The following MEGF6 variants were observed in gnomAD, a reference collection of about 807,000 sequenced individuals.
MEGF6 encodes the protein multiple epidermal growth factor-like domains protein 6.
In MEGF6, 184 loss-of-function variants were observed where a neutral mutation model predicts 207.1. The observed-to-expected ratio is 0.89, with a 90% CI of 0.79 to 1.00. MEGF6 has a LOEUF of 1.00. Ranked by LOEUF, MEGF6 falls within the 50% of genes least tolerant of loss-of-function variation. The pLI is 0.00. For synonymous variants in MEGF6, 1,038 were observed against 910.0 expected (o/e 1.14, Z -2.53); for missense variants, 2,282 against 2,202.9 (o/e 1.04, Z -0.72).
chr1:3,496,031 A>G lies in MEGF6; in HGVS notation c.3743-13T>C, dbSNP rs1557714464. 2.0e-6 allele frequency: 3 copies of G among 1,505,350 alleles called. No individual in the cohort carries two copies. The allele number at this position is 1,505,350 out of a possible 1,614,324, so 93.2% of individuals were successfully genotyped here. A position where few individuals can be genotyped will look rare whatever the true frequency, so the allele number is the denominator to read the frequency against. ...CCCTGCGGACAGGCTGCCGGGGAGG[A>G]AGTGGTGATCGTGGCTGGCTTCCCT... is the stretch of plus-strand genomic sequence containing the variant. On this transcript the variant is annotated splice_polypyrimidine_tract_variant and intron_variant, in intron 29 of 36. Coordinates refer to ENST00000356575, the MANE Select transcript of MEGF6 (RefSeq NM_001409.4).
intron 3 of MEGF6, among the ~76,000 whole-genome samples, chr1:3,592,590 C>T (rs1205659951): frequency 1.3e-5 from 2 of 152,182 alleles, no homozygotes; most frequent in African/African-American, 2.4e-5. Context: ...ACCCAGCAAA[C>T]AATTGAGTGA....
chr1:3,543,079 C>T (rs78031257), intron 4 of MEGF6, among the ~76,000 whole-genome samples: 9,138 of 152,322 alleles, frequency 0.06, 359 homozygotes, highest in African/African-American at 0.11. Context: ...GAGCCCACTC[C>T]GGACTGCCCA....
chr1:3,611,662 G>A (rs1381788612), upstream of MEGF6, among the ~76,000 whole-genome samples: 1 of 135,236 alleles, frequency 7.4e-6, no homozygotes, highest in Non-Finnish European at 1.6e-5. Context: ...CCCGCCCCCG[G>A]CACGGCCCCT....
In MEGF6 at chr1:3,488,221, A is replaced by T. The variant is rs1316205000; in HGVS notation, c.*2307T>A. 6.6e-6 allele frequency among the ~76,000 whole-genome samples: 1 copy of T among 152,080 alleles called. No individual in the cohort carries two copies. The highest frequency in any genetic ancestry group is 2.4e-5 in the African/African-American group (1 of 41,386). On this transcript the variant is annotated 3_prime_UTR_variant, in exon 37 of 37. Coordinates refer to ENST00000356575, the MANE Select transcript of MEGF6 (RefSeq NM_001409.4). ...GGATCTGTGAGCGTGTTTTCTAGTT[A>T]TTCTGCTTTATTTTCCTCTGCTCCT...
At position 3,488,153 on chromosome 1, in the gene MEGF6, C is replaced by G. The variant is rs909553634; in HGVS notation, c.*2375G>C. 3.3e-5 allele frequency among the ~76,000 whole-genome samples: 5 copies of G among 152,108 alleles called. No individual in the cohort carries two copies. Among genetic ancestry groups the G allele is most frequent in the African/African-American group, 1.2e-4 (5 of 41,400 alleles). ...TGCTTGAAACTATATAATATATGGT[C>G]AGGAGTTTGTTTTTCCGTCGTCATT... is the stretch of plus-strand genomic sequence containing the variant. On this transcript the variant is annotated 3_prime_UTR_variant, in exon 37 of 37. Transcript: ENST00000356575.
chr1:3,501,864 GC>G lies in MEGF6; in HGVS notation c.2245del (p.Ala749ProfsTer223), dbSNP rs755877822. ...CTGCCCCGTGACCCCGTGGCAGGGG[GC>G]CCCCCCACAGGAGCAGGAGCTCGAG... The part of the protein sequence containing the change: ...NCSSSCSCGG[A>X]PCHGVTGQCR... On this transcript the variant is annotated frameshift_variant, in exon 18 of 37. Transcript: ENST00000356575. LOFTEE classifies it high-confidence loss of function. 2.9e-5 allele frequency: 46 copies of G among 1,606,314 alleles called. No individual in the cohort carries two copies. Among genetic ancestry groups the G allele is most frequent in the Admixed American group, 1.7e-4 (10 of 58,148 alleles).
At chr1:3,500,862 G>A in intron 20 of MEGF6, 98 bp from the exon 21 acceptor site, 2 of 1,595,386 alleles carry the variant, frequency 1.3e-6, no homozygotes, top group Non-Finnish European at 1.7e-6. Context: ...CTGGGGCAAG[G>A]CCTCCTGCAA....
At position 3,521,539 on chromosome 1, in the gene MEGF6, C is replaced by G. The variant is rs1641746983; in HGVS notation, c.604+2585G>C. On this transcript the variant is annotated intron_variant, in intron 5 of 36. Transcript: ENST00000356575. Reference sequence around the variant, plus strand: ...CTCAGGCCCACAGTCTGGCTGGGTCCCTCAGCAACAAGAAGCGGCTTGAGA... The same window carrying G: ...CTCAGGCCCACAGTCTGGCTGGGTCGCTCAGCAACAAGAAGCGGCTTGAGA... Among the ~76,000 whole-genome samples the G allele has an allele frequency of 2.6e-5, 4 of 152,254 alleles. 1 individual carries two copies. Among genetic ancestry groups the G allele is most frequent in the Admixed American group, 2.6e-4 (4 of 15,304 alleles).
chr1:3,508,738 A>T, intron 12 of MEGF6, 49 bp from the exon 13 acceptor site: 1 of 1,599,220 alleles, frequency 6.3e-7, no homozygotes, highest in Non-Finnish European at 8.5e-7. Flanking sequence ...CCCTGGCCTC[A>T]GCAGGCACAG....
At chr1:3,527,123 C>T (rs2101283469) in intron 4 of MEGF6, among the ~76,000 whole-genome samples, 1 of 152,340 alleles carries the variant, frequency 6.6e-6, no homozygotes, top group Middle Eastern at 3.4e-3. Context: ...CAAGGCCTTC[C>T]CACCACCCTC....
chr1:3,592,339 C>T (rs1343968350), intron 3 of MEGF6, among the ~76,000 whole-genome samples: 1 of 152,168 alleles, frequency 6.6e-6, no homozygotes, highest in Non-Finnish European at 1.5e-5. Flanking sequence ...TGACTCACTG[C>T]TCCCTCTCTG....
rs746660418 is a variant in MEGF6 at position 3,508,601 on chromosome 1, G to A, written c.1617C>T (p.Gly539=). 12 of 1,613,338 alleles carry A rather than the reference G, an allele frequency of 7.4e-6. No individual in the cohort carries two copies. The highest frequency in any genetic ancestry group is 1.0e-5 in the Non-Finnish European group (12 of 1,179,940). ...NGGTCLLGLD[G]CDCPEGWTGL... ...CAGTCCAGCCCTCGGGGCAATCACA[G>A]CCATCCAGGCCCAGGAGGCAGGTCC... The change falls in exon 13 of 37, where the codon GGC becomes GGT. Residue 539 remains glycine (G), a synonymous_variant. Transcript: ENST00000356575.
chr1:3,612,552 G>A (rs1644342081), upstream of MEGF6, among the ~76,000 whole-genome samples: 1 of 152,148 alleles, frequency 6.6e-6, no homozygotes, highest in Non-Finnish European at 1.5e-5. Flanking sequence ...ACCGGATGGG[G>A]GCCAGGTGTG....
intron 4 of MEGF6, among the ~76,000 whole-genome samples, chr1:3,563,143 C>T (rs550984810): frequency 3.3e-5 from 5 of 152,306 alleles, no homozygotes; most frequent in South Asian, 2.1e-4. Context: ...GCAAGCCCAG[C>T]GCCGGCCCCT....
At position 3,556,802 on chromosome 1, in the gene MEGF6, C is replaced by T. The variant is rs1238141295; in HGVS notation, c.481+23023G>A. Among the ~76,000 whole-genome samples the T allele has an allele frequency of 1.3e-5, 2 of 152,176 alleles. No homozygotes were observed. The highest frequency in any genetic ancestry group is 2.4e-5 in the African/African-American group (1 of 41,430). On this transcript the variant is annotated intron_variant, in intron 4 of 36. Coordinates refer to ENST00000356575, the MANE Select transcript of MEGF6 (RefSeq NM_001409.4). This position sits in a 1 kb window ranked among gnomAD's most constrained non-coding sequence, Gnocchi z 4.4. ...TTCACGTCCCTGTCCCAACCACACG[C>T]GCTCACAGACCGGAGAATGTTAAAA...
At chr1:3,520,515 C>T (rs1160339181) in intron 5 of MEGF6, among the ~76,000 whole-genome samples, 3 of 152,154 alleles carry the variant, frequency 2.0e-5, no homozygotes, top group Non-Finnish European at 2.9e-5. Flanking sequence ...CACCCTCGGG[C>T]CTCACTAGGC....
intron 3 of MEGF6, among the ~76,000 whole-genome samples, chr1:3,592,444 C>A (rs1247505244): frequency 6.6e-6 from 1 of 152,146 alleles, no homozygotes; most frequent in Non-Finnish European, 1.5e-5. Flanking sequence ...CATCCTCACT[C>A]CTGCAGGCCT....
intron 2 of MEGF6, among the ~76,000 whole-genome samples, chr1:3,599,240 C>T (rs944974969): frequency 6.6e-6 from 1 of 152,234 alleles, no homozygotes; most frequent in Non-Finnish European, 1.5e-5. Flanking sequence ...CGGGTTCCCA[C>T]CCTACTGGGT....
At chr1:3,614,153 C>T (rs1010730080), upstream of MEGF6, among the ~76,000 whole-genome samples, 1 of 152,208 alleles carries the variant, frequency 6.6e-6, no homozygotes, top group Non-Finnish European at 1.5e-5. Flanking sequence ...TAGACAGAAC[C>T]CTCATTCTCA....
Sources: allele counts gnomAD v4.1 joint callset (sites outside exome capture counted in the v4.1 genomes callset), GRCh38; gene constraint gnomAD v4.1.1; non-coding constraint Gnocchi (gnomAD v3.1); transcripts MANE v1.5; gene names NCBI Gene and HGNC (gene_info 2026-07-23, HGNC 2026-07-21).